CCSER1: variants seen among roughly 807,000 people sequenced by gnomAD.
The protein encoded by CCSER1 is coiled-coil serine rich protein 1, also known as serine-rich coiled-coil domain-containing protein 1.
Under a neutral mutation model 82.0 loss-of-function variants are expected in CCSER1, and 41 were observed. The observed-to-expected ratio is 0.50, with a 90% CI of 0.39 to 0.65. The LOEUF (loss-of-function observed/expected upper bound fraction) is 0.65, where lower values mean the gene tolerates loss of function less well. Among genes scored for constraint, CCSER1 ranks in the 30% least tolerant of loss-of-function variants. CCSER1 has a pLI of 0.00. For synonymous variants in CCSER1, 414 were observed against 383.9 expected, an observed-to-expected ratio of 1.08 and a Z score of -0.92; for missense variants, 1,119 against 1,064.2, an observed-to-expected ratio of 1.05 and a Z score of -0.72.
chr4:90,251,943 T>C (rs1331650867), intron 1 of CCSER1, among the ~76,000 whole-genome samples: 6 of 151,938 alleles, frequency 3.9e-5, no homozygotes, highest in Non-Finnish European at 8.8e-5. Context: ...CTATGTTTTA[T>C]TTCAGCCGTT....
chr4:91,148,891 A>G (rs1729823957), intron 10 of CCSER1, among the ~76,000 whole-genome samples: 1 of 152,166 alleles, frequency 6.6e-6, no homozygotes, highest in Non-Finnish European at 1.5e-5. Flanking sequence ...TCATTGATGG[A>G]CATTTGGGTT....
chr4:91,464,634 G>C (rs992832951), intron 10 of CCSER1, among the ~76,000 whole-genome samples: 1 of 152,082 alleles, frequency 6.6e-6, no homozygotes, highest in East Asian at 1.9e-4. Flanking sequence ...ACACGCATAG[G>C]CTCAAAATAA....
chr4:91,126,863 A>T (rs1173989679), intron 10 of CCSER1, among the ~76,000 whole-genome samples: 1 of 151,984 alleles, frequency 6.6e-6, no homozygotes, highest in Non-Finnish European at 1.5e-5. Flanking sequence ...ATAAAGAAAA[A>T]AATAAACCTG....
At chr4:91,396,598 A>G (rs1021846332) in intron 10 of CCSER1, among the ~76,000 whole-genome samples, 3 of 152,038 alleles carry the variant, frequency 2.0e-5, no homozygotes, top group Non-Finnish European at 4.4e-5. Flanking sequence ...GGGCAGTTGT[A>G]TTGTATTGTC....
intron 10 of CCSER1, among the ~76,000 whole-genome samples, chr4:91,269,783 T>C (rs1255547722): frequency 6.6e-6 from 1 of 152,098 alleles, no homozygotes; most frequent in East Asian, 1.9e-4. Context: ...TTCCAGAGGG[T>C]GTAAGATAAT....
At chr4:91,128,444 G>A (rs977103228) in intron 10 of CCSER1, among the ~76,000 whole-genome samples, 2 of 151,762 alleles carry the variant, frequency 1.3e-5, no homozygotes, top group African/African-American at 2.4e-5. Flanking sequence ...CAACTAAAAC[G>A]ACCCCCATTA....
intron 5 of CCSER1, among the ~76,000 whole-genome samples, chr4:90,514,372 ATAAT>A: frequency 6.6e-6 from 1 of 152,330 alleles, no homozygotes; most frequent in Non-Finnish European, 1.5e-5. Context: ...ATTTCTTTAA[ATAAT>A]TATAGACTAT....
chr4:90,500,224 C>T (rs1560618607), intron 5 of CCSER1, among the ~76,000 whole-genome samples: 1 of 151,860 alleles, frequency 6.6e-6, no homozygotes, highest in Admixed American at 6.6e-5. Flanking sequence ...TTTTGAAGCC[C>T]CAGATAGTTG....
At chr4:90,767,866 T>C (rs1484405023) in intron 7 of CCSER1, among the ~76,000 whole-genome samples, 3 of 151,982 alleles carry the variant, frequency 2.0e-5, no homozygotes, top group Non-Finnish European at 4.4e-5. Flanking sequence ...TTGCCCAGGC[T>C]GGTGTCGAAC....
intron 10 of CCSER1, among the ~76,000 whole-genome samples, chr4:91,423,373 T>C (rs1330682832): frequency 6.6e-6 from 1 of 151,736 alleles, no homozygotes; most frequent in Admixed American, 6.6e-5. Flanking sequence ...GAGATTGCAG[T>C]AGGTTGAGAT....
intron 3 of CCSER1, among the ~76,000 whole-genome samples, chr4:90,376,283 C>G (rs902136557): frequency 2.0e-5 from 3 of 152,146 alleles, no homozygotes; most frequent in African/African-American, 7.2e-5. Context: ...ATTCACTAAT[C>G]TGAAAAGGCA....
chr4:91,267,380 GA>G (rs1384198342), intron 10 of CCSER1, among the ~76,000 whole-genome samples: 1 of 151,724 alleles, frequency 6.6e-6, no homozygotes, highest in African/African-American at 2.4e-5. Context: ...TATCAAATAG[GA>G]AAAAAATAAC....
In CCSER1 at chr4:91,598,671, G is replaced by A; in HGVS notation, c.2317G>A (p.Asp773Asn). The A allele has an allele frequency of 1.9e-6, 3 of 1,551,268 alleles. No homozygotes were observed. Among genetic ancestry groups the A allele is most frequent in the South Asian group, 2.4e-5 (2 of 84,034 alleles). ...GGACCGTTTTAGGTATTCGGCAGCG[G>A]ACCAGACAAGCCCCTACAAAAACAA... The part of the protein sequence containing the change: ...TEDRFRYSAA[D>N]QTSPYKNKTC... Residue 773 changes from aspartate to asparagine, a missense_variant, in exon 11 of 11, where the codon GAC becomes AAC. Asp to Asn is a conservative substitution (Grantham distance 23, BLOSUM62 1). Transcript: ENST00000509176.
chr4:90,462,931 T>G (rs1578595588), intron 4 of CCSER1, among the ~76,000 whole-genome samples: 1 of 152,120 alleles, frequency 6.6e-6, no homozygotes, highest in South Asian at 2.1e-4. Flanking sequence ...AGTGGAACAA[T>G]AGAACAATAA....
At chr4:91,164,377 T>G (rs1367766356) in intron 10 of CCSER1, among the ~76,000 whole-genome samples, 1 of 152,208 alleles carries the variant, frequency 6.6e-6, no homozygotes, top group Non-Finnish European at 1.5e-5. Flanking sequence ...TTCCTTCATT[T>G]CAACCTTGGT....
At chr4:90,324,456 C>T (rs1579184869) in intron 3 of CCSER1, among the ~76,000 whole-genome samples, 2 of 148,608 alleles carry the variant, frequency 1.3e-5, no homozygotes, top group South Asian at 2.3e-4. Flanking sequence ...TTTTTGGCTG[C>T]ATAAATGTCT....
intron 9 of CCSER1, among the ~76,000 whole-genome samples, chr4:91,040,086 G>A (rs1741831628): frequency 6.6e-6 from 1 of 152,110 alleles, no homozygotes; most frequent in African/African-American, 2.4e-5. Flanking sequence ...CAGATTTACA[G>A]TGAGAAAATC....
In CCSER1 at chr4:90,309,455, C is replaced by T; in HGVS notation, c.1171C>T (p.Pro391Ser). The change falls in exon 2 of 11, where the codon CCA becomes TCA. Residue 391 changes from proline (P) to serine (S), a missense_variant. Physicochemically the swap from Pro to Ser is moderately conservative, Grantham distance 74 (BLOSUM62 -1). Coordinates refer to ENST00000509176, the MANE Select transcript of CCSER1 (RefSeq NM_001145065.2). Reference sequence around the variant, plus strand: ...TGAAACAATGCTGGGGACAAACTCCCCAAGGAAACTTGGATTTTATGAGCA... The same window carrying T: ...TGAAACAATGCTGGGGACAAACTCCTCAAGGAAACTTGGATTTTATGAGCA... ...NGETMLGTNS[P>S]RKLGFYEQHK... 1 of 1,613,732 alleles carries T rather than the reference C, an allele frequency of 6.2e-7. No homozygotes were observed. Among genetic ancestry groups the T allele is most frequent in the African/African-American group, 1.3e-5 (1 of 75,002 alleles).
In CCSER1 at chr4:90,127,706, G is replaced by A. The variant is rs1434901402; in HGVS notation, c.-167G>A. On this transcript the variant is annotated 5_prime_UTR_variant, in exon 1 of 11. Transcript: ENST00000509176. ...ACTCTGTGCAACTGGGAGTGGAGAG[G>A]AGCCCAACAGCCGAGAAGGGGAGGG... The A allele has an allele frequency of 6.5e-6, 1 of 153,232 alleles. No homozygotes were observed. The highest frequency in any genetic ancestry group is 2.4e-5 in the African/African-American group (1 of 41,466). The allele number at this position is 153,232 out of a possible 1,614,324, so 9.5% of individuals were successfully genotyped here.
Sources: gnomAD v4.1 joint callset for allele counts (sites outside exome capture counted in the v4.1 genomes callset) on GRCh38, gnomAD v4.1.1 for gene constraint, MANE v1.5 for transcripts, NCBI Gene and HGNC (gene_info 2026-07-23, HGNC 2026-07-21) for gene names.